Variants in INVS observed in about 807,000 individuals in gnomAD.
INVS encodes inversin.
A neutral mutation model predicts 108.8 loss-of-function variants in INVS; 86 were observed. The ratio of observed to expected loss-of-function variants is 0.79; its 90% CI spans 0.66 to 0.95. INVS has a LOEUF of 0.95. Among genes scored for constraint, INVS ranks in the 40% least tolerant of loss-of-function variants. The pLI is 0.00. For missense variants in INVS, 1,169 were observed against 1,297.4 expected, an observed-to-expected ratio of 0.90 and a Z score of 1.52; for synonymous variants, 455 against 473.5, an observed-to-expected ratio of 0.96 and a Z score of 0.51.
chr9:100,116,978 A>G, intron 2 of INVS: 1 of 1,562,672 alleles, frequency 6.4e-7, no homozygotes, highest in Non-Finnish European at 8.7e-7. Flanking sequence ...GCAGTCATCG[A>G]TACCAGCCAT....
At chr9:100,180,424 C>T (rs539363103) in intron 3 of INVS, among the ~76,000 whole-genome samples, 1 of 151,156 alleles carries the variant, frequency 6.6e-6, no homozygotes, top group Non-Finnish European at 1.5e-5. Flanking sequence ...AAAATAGACA[C>T]AATAAAAAAT....
chr9:100,117,620 C>A, intron 2 of INVS: 2 of 628,632 alleles, frequency 3.2e-6, no homozygotes, highest in Non-Finnish European at 5.5e-6. Flanking sequence ...CCCCCCCCGC[C>A]CACCTCCCGC....
intron 16 of INVS, among the ~76,000 whole-genome samples, 154 bp from the exon 17 acceptor site, chr9:100,300,414 C>G (rs1415734812): frequency 6.6e-6 from 1 of 152,174 alleles, no homozygotes; most frequent in African/African-American, 2.4e-5. Flanking sequence ...AAATATAAAG[C>G]TATTATATTA....
At chr9:100,176,463 T>C (rs1199345447) in intron 3 of INVS, among the ~76,000 whole-genome samples, 1 of 152,108 alleles carries the variant, frequency 6.6e-6, no homozygotes, top group Non-Finnish European at 1.5e-5. Flanking sequence ...ATTGGGGGTC[T>C]TTGCTTATTT....
In INVS at chr9:100,301,967, T is replaced by C; in HGVS notation, c.*1293T>C. The C allele has an allele frequency of 2.6e-6, 1 of 386,856 alleles. No homozygotes were observed. Among genetic ancestry groups the C allele is most frequent in the Non-Finnish European group, 4.6e-6 (1 of 216,468 alleles). 24.0% of individuals were successfully genotyped at this position (386,856 alleles called of 1,614,324 possible). A position where few individuals can be genotyped will look rare whatever the true frequency, so the allele number is the denominator to read the frequency against. On this transcript the variant is annotated 3_prime_UTR_variant, in exon 17 of 17. Coordinates refer to ENST00000262457, the MANE Select transcript of INVS (RefSeq NM_014425.5). ...TATTTAGCTCCTATGAAATGCACAA[T>C]GCACAACCGCCTATGACCATGTATC...
intron 2 of INVS, among the ~76,000 whole-genome samples, chr9:100,121,270 CA>C (rs1827720023): frequency 6.6e-6 from 1 of 152,112 alleles, no homozygotes; most frequent in Non-Finnish European, 1.5e-5. Flanking sequence ...ATTACATTTG[CA>C]AAATCCCTTC....
At chr9:100,261,852 G>A (rs539905740) in intron 10 of INVS, among the ~76,000 whole-genome samples, 6 of 152,116 alleles carry the variant, frequency 3.9e-5, no homozygotes, top group African/African-American at 1.4e-4. Context: ...ATTAATTCTG[G>A]TTTCTCAGAT....
rs1482865590 is a variant in INVS, at chr9:100,255,232, T to C, written c.1464+2096T>C. ...GGCTCTCTGTTTGTCTGTTGGCATA[T>C]AGGAATGCTTGTGATTTTTGTACAT... On this transcript the variant is annotated intron_variant, in intron 10 of 16. Transcript: ENST00000262457. 2.6e-5 allele frequency among the ~76,000 whole-genome samples: 4 copies of C among 151,970 alleles called. No homozygotes were observed. The East Asian group carries it at 7.7e-4, about 29-fold the overall frequency.
At chr9:100,198,588 C>T (rs976738745) in intron 3 of INVS, among the ~76,000 whole-genome samples, 6 of 150,322 alleles carry the variant, frequency 4.0e-5, no homozygotes, top group Admixed American at 6.6e-5. Context: ...TGTGAGCCAC[C>T]GTCGCCTGGC....
intron 14 of INVS, among the ~76,000 whole-genome samples, chr9:100,294,504 C>T (rs1044284689): frequency 6.6e-6 from 1 of 152,132 alleles, no homozygotes; most frequent in African/African-American, 2.4e-5. Flanking sequence ...CATGCCTGAC[C>T]CCATGTGAAC....
At chr9:100,282,599 A>C (rs1030728804) in intron 12 of INVS, among the ~76,000 whole-genome samples, 1 of 152,196 alleles carries the variant, frequency 6.6e-6, no homozygotes, top group African/African-American at 2.4e-5. Flanking sequence ...TTTGCTTCAA[A>C]TGCCGTAGTC....
At chr9:100,184,406 A>G (rs889221394) in intron 3 of INVS, among the ~76,000 whole-genome samples, 5 of 152,230 alleles carry the variant, frequency 3.3e-5, no homozygotes, top group South Asian at 2.1e-4. Flanking sequence ...TCACCAGAGC[A>G]CTGTTTTACC....
At chr9:100,217,017 A>G (rs940717295) in intron 3 of INVS, among the ~76,000 whole-genome samples, 12 of 152,252 alleles carry the variant, frequency 7.9e-5, no homozygotes, top group East Asian at 1.9e-4. Flanking sequence ...CAAGAAAACT[A>G]TGTCTCTCCA....
At position 100,253,069 on chromosome 9, in the gene INVS, G is replaced by A. The variant is rs1450371161; in HGVS notation, c.1397G>A (p.Gly466Glu). ...GRTPLQCAAY[G>E]GYINCMAVLM... is the part of the protein sequence containing the mutation. ...ACCCCTTTGCAGTGTGCAGCATATG[G>A]AGGCTATATCAACTGCATGGCAGTT... is the stretch of plus-strand genomic sequence containing the variant. Residue 466 changes from glycine (G) to glutamate (E), a missense_variant, in exon 10 of 17, where the codon GGA becomes GAA. Gly to Glu is a moderately conservative substitution (Grantham distance 98, BLOSUM62 -2). Around this residue, in one of 3 missense-constraint regions of INVS, gnomAD observed 271 missense variants for 363.8 expected, o/e 0.74. Coordinates refer to ENST00000262457, the MANE Select transcript of INVS (RefSeq NM_014425.5). 1.2e-6 allele frequency: 2 copies of A among 1,613,836 alleles called. No homozygotes were observed. The highest frequency in any genetic ancestry group is 1.3e-5 in the African/African-American group (1 of 74,914).
intron 3 of INVS, among the ~76,000 whole-genome samples, chr9:100,171,347 A>C (rs1829535926): frequency 6.6e-6 from 1 of 152,184 alleles, no homozygotes; most frequent in Non-Finnish European, 1.5e-5. Flanking sequence ...TTTGTAGTCT[A>C]GGAGCATCAG....
At chr9:100,144,695 G>A (rs1038067199) in intron 3 of INVS, among the ~76,000 whole-genome samples, 1 of 152,114 alleles carries the variant, frequency 6.6e-6, no homozygotes, top group African/African-American at 2.4e-5. Flanking sequence ...ATGATAGAAG[G>A]ATTATAGGGT....
At chr9:100,246,574 C>G in intron 7 of INVS, 42 bp from the exon 8 acceptor site, 9 of 1,429,850 alleles carry the variant, frequency 6.3e-6, no homozygotes, top group Non-Finnish European at 7.9e-6. Flanking sequence ...ACAGAAAATA[C>G]TACTGTTTTG....
At position 100,242,640 on chromosome 9, in the gene INVS, A is replaced by C. The variant is rs1227795087; in HGVS notation, c.867A>C (p.Gly289=). ...KSGTIPSDSQ[G]ATPLHYAAQS... Reference sequence around the variant, plus strand: ...GAACTATCCCATCTGACAGCCAAGGAGCCACACCTTTGCACTATGCTGCTC... The same window carrying C: ...GAACTATCCCATCTGACAGCCAAGGCGCCACACCTTTGCACTATGCTGCTC... The change falls in exon 7 of 17, where the codon GGA becomes GGC. Residue 289 remains glycine (G), a synonymous_variant. Transcript: ENST00000262457. The C allele has an allele frequency of 2.5e-6, 4 of 1,611,538 alleles. No homozygotes were observed. The Admixed American group carries it at 5.0e-5, about 20-fold the overall frequency.
At chr9:100,143,677 T>A (rs1282125448) in intron 3 of INVS, among the ~76,000 whole-genome samples, 1 of 152,054 alleles carries the variant, frequency 6.6e-6, no homozygotes, top group South Asian at 2.1e-4. Context: ...ATAAGGGAAC[T>A]GGGCAGGTGG....
Sources: gnomAD v4.1 joint callset for allele counts (sites outside exome capture counted in the v4.1 genomes callset) on GRCh38, gnomAD v4.1.1 for gene constraint, gnomAD v4.1.1 regional missense constraint, MANE v1.5 for transcripts, NCBI Gene and HGNC (gene_info 2026-07-23, HGNC 2026-07-21) for gene names.